The following TMEM74 variants were observed in gnomAD, a reference collection of about 807,000 sequenced individuals.
The protein encoded by TMEM74 is transmembrane protein 74.
Under a neutral mutation model 18.1 loss-of-function variants are expected in TMEM74, and 13 were observed. The observed-to-expected ratio is 0.72, with a 90% CI of 0.47 to 1.14. The LOEUF is 1.14. Ranked by LOEUF, TMEM74 falls within the 50% of genes most tolerant of loss-of-function variation. The probability of loss-of-function intolerance (pLI) is 0.00; values close to 1 mark genes in which losing one functional copy is unlikely to be tolerated. For missense variants in TMEM74, 372 were observed against 375.9 expected (o/e 0.99, Z 0.09); for synonymous variants, 159 against 146.6 (o/e 1.08, Z -0.61).
intron 1 of TMEM74, among the ~76,000 whole-genome samples, chr8:108,735,615 T>C (rs1813740882): frequency 6.6e-6 from 1 of 152,238 alleles, no homozygotes; most frequent in South Asian, 2.1e-4. Context: ...TGTCCATCAA[T>C]GGACATTTGG....
intron 1 of TMEM74, among the ~76,000 whole-genome samples, chr8:108,718,981 T>C (rs1438819824): frequency 7.0e-6 from 1 of 142,416 alleles, no homozygotes; most frequent in Non-Finnish European, 1.5e-5. Context: ...TATATATATA[T>C]ACGTATATAT....
rs544450623 is a variant in TMEM74, at chr8:108,713,423, C to T, written n.120-57986G>A. Reference sequence around the variant, plus strand: ...TTAATTGGGTAAAAAAATAAAATGGCTATGTGCAAGACCAGAAAGATGCAT... The same window carrying T: ...TTAATTGGGTAAAAAAATAAAATGGTTATGTGCAAGACCAGAAAGATGCAT... On this transcript the variant is annotated intron_variant and non_coding_transcript_variant, in intron 1 of 3. Transcript: ENST00000518838. 8.6e-4 allele frequency among the ~76,000 whole-genome samples: 131 copies of T among 152,190 alleles called. No individual in the cohort carries two copies. In the South Asian group the frequency reaches 0.022, roughly 26 times the overall value.
intron 1 of TMEM74, among the ~76,000 whole-genome samples, chr8:108,747,276 A>G (rs1813858108): frequency 6.6e-6 from 1 of 152,092 alleles, no homozygotes; most frequent in Non-Finnish European, 1.5e-5. Flanking sequence ...TGGTGCCAGA[A>G]GTGTTTTGTG....
chr8:108,626,441 A>G (rs1812494180), intron 2 of TMEM74: 1 of 152,054 alleles, frequency 6.6e-6, no homozygotes, highest in South Asian at 2.1e-4. Flanking sequence ...TGGTTGCAGT[A>G]TTAATGTTTG....
intron 1 of TMEM74, among the ~76,000 whole-genome samples, chr8:108,728,941 G>T (rs1190996019): frequency 6.6e-6 from 1 of 152,170 alleles, no homozygotes; most frequent in Non-Finnish European, 1.5e-5. Context: ...TAACTTTGAA[G>T]TCAGATTATT....
chr8:108,656,040 G>A lies in TMEM74; in HGVS notation n.120-603C>T, dbSNP rs1028167586. ...ACATCATTTGGTGGTGCTGATAGGG[G>A]CCAGAAGTGCTCTTATTCCTCACTC... is the stretch of plus-strand genomic sequence containing the variant. On this transcript the variant is annotated intron_variant and non_coding_transcript_variant, in intron 1 of 3. Transcript: ENST00000518838. 4.6e-5 allele frequency among the ~76,000 whole-genome samples: 7 copies of A among 152,108 alleles called. No homozygotes were observed. The East Asian group carries it at 5.8e-4, about 13-fold the overall frequency.
chr8:108,656,558 T>C (rs906179574), intron 1 of TMEM74, among the ~76,000 whole-genome samples: 1 of 152,202 alleles, frequency 6.6e-6, no homozygotes, highest in Non-Finnish European at 1.5e-5. Context: ...TTGTTCTACC[T>C]GTGGTAGTTT....
intron 1 of TMEM74, among the ~76,000 whole-genome samples, chr8:108,754,365 A>G (rs975073892): frequency 6.6e-6 from 1 of 152,086 alleles, no homozygotes; most frequent in African/African-American, 2.4e-5. Context: ...TATATGGTAG[A>G]CAGGCCTAAG....
rs149017081 is a variant in TMEM74 at position 108,743,589 on chromosome 8, C to T, written n.119+43887G>A. Among the ~76,000 whole-genome samples, 968 of 152,140 alleles carry T rather than the reference C, an allele frequency of 6.4e-3. 15 individuals carry two copies. Among genetic ancestry groups the T allele is most frequent in the African/African-American group, 0.022 (900 of 41,502 alleles). On this transcript the variant is annotated intron_variant and non_coding_transcript_variant, in intron 1 of 3. Coordinates refer to the TMEM74 transcript ENST00000518838. ...GGTAAGAGGAAAAATATATAGCTTT[C>T]TTGTTTTTATAGCATTGTAAAGTTA... is the stretch of plus-strand genomic sequence containing the variant.
intron 1 of TMEM74, among the ~76,000 whole-genome samples, chr8:108,698,563 C>A (rs1335500089): frequency 6.6e-6 from 1 of 152,074 alleles, no homozygotes. Flanking sequence ...ATGCTAGCTG[C>A]CATTACTATT....
intron 1 of TMEM74, among the ~76,000 whole-genome samples, chr8:108,747,986 C>T (rs1813867128): frequency 6.6e-6 from 1 of 151,886 alleles, no homozygotes; most frequent in Non-Finnish European, 1.5e-5. Flanking sequence ...AGGTTGATTC[C>T]AAGTCTTTGT....
At chr8:108,648,686 G>A (rs1812744507) in intron 2 of TMEM74, among the ~76,000 whole-genome samples, 1 of 152,072 alleles carries the variant, frequency 6.6e-6, no homozygotes, top group African/African-American at 2.4e-5. Context: ...TCAAGATGGA[G>A]GGAGGAGTCA....
chr8:108,678,212 T>G (rs558444249), intron 1 of TMEM74, among the ~76,000 whole-genome samples: 6 of 152,292 alleles, frequency 3.9e-5, no homozygotes, highest in Admixed American at 2.0e-4. Context: ...TTATAGGATA[T>G]TAGGTGAAAA....
At chr8:108,620,493 T>C (rs377613589) in intron 2 of TMEM74, among the ~76,000 whole-genome samples, 22 of 152,284 alleles carry the variant, frequency 1.4e-4, no homozygotes, top group Middle Eastern at 3.4e-3. Context: ...ATTTAAGCCT[T>C]TAACAATTTT....
At chr8:108,682,797 T>A (rs1240895590) in intron 1 of TMEM74, among the ~76,000 whole-genome samples, 1 of 151,966 alleles carries the variant, frequency 6.6e-6, no homozygotes, top group Non-Finnish European at 1.5e-5. Flanking sequence ...AATCTTTCAG[T>A]TAAGCACACA....
intron 1 of TMEM74, among the ~76,000 whole-genome samples, chr8:108,785,924 T>G (rs1200995879): frequency 1.3e-5 from 2 of 152,104 alleles, no homozygotes; most frequent in East Asian, 3.8e-4. Flanking sequence ...CTTACGGCAA[T>G]CCCTGCAAAA....
rs150712271 is a variant in TMEM74 at position 108,766,200 on chromosome 8, T to TTTCCTTCCTTCCTTCC, written n.119+21260_119+21275dup. ...TTATTAATTTGGGGGTTATTTCTCC[T>TTTCCTTCCTTCCTTCC]TTCCTTCCTTCCTTCCTTCCTTCCT... On this transcript the variant is annotated intron_variant and non_coding_transcript_variant, in intron 1 of 3. Transcript: ENST00000518838. 2.6e-3 allele frequency among the ~76,000 whole-genome samples: 394 copies of TTTCCTTCCTTCCTTCC among 151,650 alleles called. 1 individual carries two copies. Among genetic ancestry groups the TTTCCTTCCTTCCTTCC allele is most frequent in the African/African-American group, 8.3e-3 (343 of 41,200 alleles).
intron 1 of TMEM74, among the ~76,000 whole-genome samples, chr8:108,660,475 C>G (rs1005035039): frequency 1.3e-5 from 2 of 152,146 alleles, no homozygotes; most frequent in Non-Finnish European, 2.9e-5. Context: ...GGTATTCAAC[C>G]TTCCCAAAAC....
At chr8:108,614,531 T>C (rs1432231712) in intron 2 of TMEM74, among the ~76,000 whole-genome samples, 1 of 152,204 alleles carries the variant, frequency 6.6e-6, no homozygotes, top group Non-Finnish European at 1.5e-5. Flanking sequence ...AATATTCGAC[T>C]GTGAAAATTC....
Sources: gnomAD v4.1 joint callset for allele counts (sites outside exome capture counted in the v4.1 genomes callset) on GRCh38, gnomAD v4.1.1 for gene constraint, MANE v1.5 for transcripts, NCBI Gene and HGNC (gene_info 2026-07-23, HGNC 2026-07-21) for gene names.